Variants in PACC1 observed in about 807,000 individuals in gnomAD.
PACC1 encodes proton activated chloride channel 1.
In PACC1, 34 loss-of-function variants were observed where a neutral mutation model predicts 39.7. The ratio of observed to expected loss-of-function variants is 0.86; its 90% confidence interval spans 0.65 to 1.14. The LOEUF (loss-of-function observed/expected upper bound fraction) is 1.14. Ranked by LOEUF, PACC1 falls within the 50% of genes most tolerant of loss-of-function variation. The probability of loss-of-function intolerance (pLI) is 0.00; values close to 1 mark genes in which losing one functional copy is unlikely to be tolerated. For missense variants in PACC1, 379 were observed against 436.4 expected (o/e 0.87, Z 1.17); for synonymous variants, 127 against 160.6 (o/e 0.79, Z 1.58).
intron 4 of PACC1, among the ~76,000 whole-genome samples, chr1:212,382,221 T>TTTTATG (rs1203805185): frequency 3.9e-5 from 6 of 152,124 alleles, no homozygotes; most frequent in Admixed American, 3.9e-4. Context: ...TTATTTTTAT[T>TTTTATG]TTTAGTAGAG....
At chr1:212,384,923 A>C (rs992752038) in intron 4 of PACC1, among the ~76,000 whole-genome samples, 44 of 152,396 alleles carry the variant, frequency 2.9e-4, no homozygotes, top group Non-Finnish European at 4.1e-4. Flanking sequence ...ATTTTCAAAA[A>C]GTATCCTGGC....
At chr1:212,373,490 G>T (rs1660533734) in intron 7 of PACC1, among the ~76,000 whole-genome samples, 1 of 152,018 alleles carries the variant, frequency 6.6e-6, no homozygotes, top group South Asian at 2.1e-4. Flanking sequence ...GGCGAAAACA[G>T]AAAAATGGGA....
At chr1:212,366,343 C>T (rs1464720964) in intron 7 of PACC1, among the ~76,000 whole-genome samples, 1 of 146,820 alleles carries the variant, frequency 6.8e-6, no homozygotes, top group Non-Finnish European at 1.5e-5. Flanking sequence ...TCACTGTCGC[C>T]AGGCTGGAGT....
intron 2 of PACC1, among the ~76,000 whole-genome samples, chr1:212,401,920 C>T (rs1571674455): frequency 6.6e-6 from 1 of 152,236 alleles, no homozygotes; most frequent in East Asian, 1.9e-4. Context: ...AGTGATCCAC[C>T]CGCCTTGGCC....
intron 1 of PACC1, among the ~76,000 whole-genome samples, chr1:212,413,375 T>C (rs2102552905): frequency 6.6e-6 from 1 of 152,308 alleles, no homozygotes; most frequent in Non-Finnish European, 1.5e-5. Context: ...TGTGAATCAG[T>C]CTTTTACAAA....
At chr1:212,365,693 A>G (rs1163278655) in intron 7 of PACC1, among the ~76,000 whole-genome samples, 2 of 152,058 alleles carry the variant, frequency 1.3e-5, no homozygotes, top group South Asian at 2.1e-4. Flanking sequence ...TCATAACTCT[A>G]TATACTTCAT....
At chr1:212,376,889 G>A (rs1285617306) in intron 6 of PACC1, 3 of 152,192 alleles carry the variant, frequency 2.0e-5, no homozygotes, top group Non-Finnish European at 4.4e-5. Context: ...GAGCCACTGG[G>A]ATACAAGAAG....
intron 2 of PACC1, among the ~76,000 whole-genome samples, chr1:212,403,668 G>A (rs1044143694): frequency 7.2e-5 from 11 of 152,052 alleles, no homozygotes; most frequent in Non-Finnish European, 1.5e-5. Flanking sequence ...GGGCTCAAGC[G>A]ATTCTTCCAC....
chr1:212,378,952 C>CTT (rs141994711), intron 5 of PACC1, among the ~76,000 whole-genome samples: 35 of 143,372 alleles, frequency 2.4e-4, no homozygotes, highest in East Asian at 4.1e-4. Context: ...TTATGATTTC[C>CTT]TTTTTTTTTT....
intron 2 of PACC1, among the ~76,000 whole-genome samples, chr1:212,397,161 T>C (rs1247289191): frequency 1.3e-5 from 2 of 149,084 alleles, no homozygotes; most frequent in Non-Finnish European, 3.0e-5. Flanking sequence ...AATAAGTGAG[T>C]AAAACAAAAA....
chr1:212,396,051 T>C lies in PACC1; in HGVS notation c.134-8951A>G, dbSNP rs183566338. Among the ~76,000 whole-genome samples the C allele has an allele frequency of 1.1e-3, 170 of 152,300 alleles. 1 individual carries two copies. The South Asian group carries it at 0.014, about 13-fold the overall frequency. On this transcript the variant is annotated intron_variant, in intron 2 of 7. Transcript: ENST00000261455. Reference sequence around the variant, plus strand: ...TGGCAATTCCTGAGGGATCTAGAACTAGAAATACCATTTGACCCAGCCATC... The same window carrying C: ...TGGCAATTCCTGAGGGATCTAGAACCAGAAATACCATTTGACCCAGCCATC...
rs1299624850 is a variant in PACC1 at position 212,406,227 on chromosome 1, CT to C, written c.133+4197del. The stretch of plus-strand genomic sequence containing the variant: ...TATTTTTATTATTATTATTAGAAGA[CT>C]CAAAGGGGCCAAGCATGGTGGCTCA... On this transcript the variant is annotated intron_variant, in intron 2 of 7. Transcript: ENST00000261455. Among the ~76,000 whole-genome samples the C allele has an allele frequency of 2.0e-5, 3 of 149,012 alleles. No homozygotes were observed. In the East Asian group the frequency reaches 6.2e-4, roughly 31 times the overall value.
chr1:212,400,066 A>G (rs1661662071), intron 2 of PACC1, among the ~76,000 whole-genome samples: 2 of 151,892 alleles, frequency 1.3e-5, no homozygotes, highest in East Asian at 1.9e-4. Flanking sequence ...GGCTGGTCTC[A>G]AACTCCTGAC....
intron 1 of PACC1, among the ~76,000 whole-genome samples, chr1:212,411,447 G>C (rs930121986): frequency 6.6e-5 from 10 of 152,184 alleles, no homozygotes; most frequent in Non-Finnish European, 1.5e-4. Flanking sequence ...CTGGTAGCCA[G>C]CAACCTCAAC....
chr1:212,399,867 G>A lies in PACC1; in HGVS notation c.133+10558C>T, dbSNP rs186488854. ...CCTGGAAAACTTTTTTTTTTGAGAC[G>A]GAGTTTCACTCTTGTTGCCCAAGCT... On this transcript the variant is annotated intron_variant, in intron 2 of 7. Transcript: ENST00000261455. Among the ~76,000 whole-genome samples, 38 of 150,176 alleles carry A rather than the reference G, an allele frequency of 2.5e-4. No individual in the cohort carries two copies. The East Asian group carries it at 7.1e-3, about 28-fold the overall frequency.
chr1:212,396,269 G>A (rs1210597124), intron 2 of PACC1, among the ~76,000 whole-genome samples: 1 of 152,188 alleles, frequency 6.6e-6, no homozygotes, highest in Non-Finnish European at 1.5e-5. Flanking sequence ...AAAAAAGGAT[G>A]AGTTCATGTC....
At chr1:212,373,173 A>G (rs751449477) in intron 7 of PACC1, among the ~76,000 whole-genome samples, 2 of 152,232 alleles carry the variant, frequency 1.3e-5, no homozygotes, top group Admixed American at 6.5e-5. Flanking sequence ...GACCAATGGA[A>G]CAGAACAGAG....
intron 1 of PACC1, among the ~76,000 whole-genome samples, chr1:212,414,329 G>A (rs1449559922): frequency 6.6e-6 from 1 of 152,208 alleles, no homozygotes; most frequent in African/African-American, 2.4e-5. Flanking sequence ...GCCGGGAGGA[G>A]GGCGCGGGCG....
chr1:212,371,041 A>T (rs1660432451), intron 7 of PACC1, among the ~76,000 whole-genome samples: 2 of 152,138 alleles, frequency 1.3e-5, no homozygotes, highest in African/African-American at 4.8e-5. Flanking sequence ...AGGTCAAGAG[A>T]ACAAGACCAT....
Sources: gnomAD v4.1 joint callset for allele counts (sites outside exome capture counted in the v4.1 genomes callset) on GRCh38, gnomAD v4.1.1 for gene constraint, MANE v1.5 for transcripts, NCBI Gene and HGNC (gene_info 2026-07-23, HGNC 2026-07-21) for gene names.